The following PRKCH variants were observed in gnomAD, a reference collection of about 807,000 sequenced individuals.
PRKCH encodes protein kinase C eta type.
In PRKCH, 28 loss-of-function variants were observed where a neutral mutation model predicts 82.5. The ratio of observed to expected loss-of-function variants is 0.34; its 90% CI spans 0.25 to 0.47. The LOEUF is 0.47. PRKCH is among the 20% of genes least tolerant of loss of function. PRKCH has a pLI of 1.00. For synonymous variants in PRKCH, 322 were observed against 327.4 expected (o/e 0.98, Z 0.18); for missense variants, 705 against 881.8 (o/e 0.80, Z 2.54).
intron 1 of PRKCH, among the ~76,000 whole-genome samples, chr14:61,194,230 A>G (rs1054926516): frequency 3.3e-5 from 5 of 152,236 alleles, no homozygotes; most frequent in Admixed American, 2.0e-4. Flanking sequence ...AGTACCATTA[A>G]TACTTCTAGG....
chr14:61,478,833 C>T (rs1310989199), intron 9 of PRKCH, among the ~76,000 whole-genome samples: 1 of 152,192 alleles, frequency 6.6e-6, no homozygotes, highest in Admixed American at 6.5e-5. Context: ...TGCCCTCCAG[C>T]CTGGGTGACA....
At chr14:61,336,114 A>G (rs2045854304) in intron 1 of PRKCH, among the ~76,000 whole-genome samples, 2 of 152,206 alleles carry the variant, frequency 1.3e-5, no homozygotes, top group Admixed American at 1.3e-4. Context: ...ATGATTGTTG[A>G]TGTCACTTTC....
intron 10 of PRKCH, among the ~76,000 whole-genome samples, chr14:61,495,534 G>A (rs916233453): frequency 1.3e-5 from 2 of 152,222 alleles, no homozygotes; most frequent in African/African-American, 4.8e-5. Flanking sequence ...TTTGTAAAAA[G>A]TAATTGAATT....
At position 61,372,810 on chromosome 14, in the gene PRKCH, A is replaced by T. The variant is rs1197839614; in HGVS notation, c.364-18415A>T. 3.9e-5 allele frequency among the ~76,000 whole-genome samples: 6 copies of T among 152,084 alleles called. No homozygotes were observed. The East Asian group carries it at 1.2e-3, about 29-fold the overall frequency. ...CTAACTTTTTAAATTGCATATATTCAAGTTCTGTGTGCTATAAAGTTCTAT... is the reference window on the plus strand; with the variant it reads ...CTAACTTTTTAAATTGCATATATTCTAGTTCTGTGTGCTATAAAGTTCTAT... On this transcript the variant is annotated intron_variant, in intron 1 of 13. Transcript: ENST00000332981.
At chr14:61,453,118 G>A (rs1423400132) in intron 6 of PRKCH, 108 bp from the exon 7 acceptor site, 19 of 1,351,518 alleles carry the variant, frequency 1.4e-5, no homozygotes, top group Middle Eastern at 2.1e-4. Flanking sequence ...CTGTTCAGCC[G>A]GTATAATTCC....
chr14:61,405,961 G>T (rs1881926714), intron 2 of PRKCH, among the ~76,000 whole-genome samples: 1 of 152,172 alleles, frequency 6.6e-6, no homozygotes, highest in Admixed American at 6.5e-5. Context: ...GAAATGCCAA[G>T]AGGATCTGTT....
chr14:61,465,563 A>G (rs532490285), intron 9 of PRKCH, among the ~76,000 whole-genome samples: 5 of 152,296 alleles, frequency 3.3e-5, no homozygotes, highest in Admixed American at 2.6e-4. Context: ...TGAGCTCTGT[A>G]TTCTGTCCCA....
chr14:61,232,819 C>T (rs2044754886), intron 1 of PRKCH, among the ~76,000 whole-genome samples: 2 of 152,152 alleles, frequency 1.3e-5, no homozygotes, highest in South Asian at 4.1e-4. Context: ...AAAGTCCCAA[C>T]CCTCTAATCA....
At chr14:61,481,234 G>C (rs562846865) in intron 9 of PRKCH, among the ~76,000 whole-genome samples, 7 of 152,284 alleles carry the variant, frequency 4.6e-5, no homozygotes, top group African/African-American at 1.7e-4. Flanking sequence ...ATTTGTCTTT[G>C]TTCAGAACCT....
intron 5 of PRKCH, 94 bp downstream of exon 5, chr14:61,449,346 C>G: frequency 9.3e-7 from 1 of 1,075,904 alleles, no homozygotes; most frequent in Non-Finnish European, 1.4e-6. Flanking sequence ...TTTCCTCCCC[C>G]TCTTTTCCTT....
intron 1 of PRKCH, among the ~76,000 whole-genome samples, chr14:61,231,661 C>T (rs966867689): frequency 3.3e-5 from 5 of 152,108 alleles, no homozygotes; most frequent in Admixed American, 6.5e-5. Flanking sequence ...TGTGAGCCAC[C>T]GTGGCCGGCT....
chr14:61,376,697 C>T (rs1484668338), intron 1 of PRKCH, among the ~76,000 whole-genome samples: 1 of 148,476 alleles, frequency 6.7e-6, no homozygotes, highest in Non-Finnish European at 1.5e-5. Flanking sequence ...ACCTCCAGCC[C>T]CATCTACACC....
At chr14:61,238,041 G>A (rs2044805474) in intron 1 of PRKCH, among the ~76,000 whole-genome samples, 1 of 152,242 alleles carries the variant, frequency 6.6e-6, no homozygotes, top group African/African-American at 2.4e-5. Context: ...TTGCAAAGTA[G>A]TAACAGTCTG....
rs377276795 is a variant in PRKCH, at chr14:61,280,370, G to A, written c.-19+92702G>A. 2.5e-6 allele frequency: 4 copies of A among 1,613,886 alleles called. No homozygotes were observed. In the African/African-American group the frequency reaches 5.3e-5, roughly 22 times the overall value. ...CGCGCGTACAGTTTGCGGAACGTGG[G>A]CAGCGCCGCCGTGCGCATCCACACC... is the stretch of plus-strand genomic sequence containing the variant. On this transcript the variant is annotated intron_variant, in intron 1 of 3. Coordinates refer to the PRKCH transcript ENST00000555185. The surrounding 1 kb of genome is among the most constrained non-coding windows in gnomAD (Gnocchi z 5.0).
chr14:61,287,480 G>T (rs2045325658), intron 1 of PRKCH, among the ~76,000 whole-genome samples: 1 of 152,162 alleles, frequency 6.6e-6, no homozygotes, highest in Non-Finnish European at 1.5e-5. Flanking sequence ...AGAGGCCAAG[G>T]CAGGCAGATC....
chr14:61,315,686 T>C (rs907865998), intron 1 of PRKCH, among the ~76,000 whole-genome samples: 2 of 152,176 alleles, frequency 1.3e-5, no homozygotes. Context: ...TCCTTTTGTA[T>C]ACATATTTTT....
chr14:61,488,110 C>T (rs1186866644), intron 10 of PRKCH, among the ~76,000 whole-genome samples: 12 of 151,218 alleles, frequency 7.9e-5, no homozygotes, highest in Non-Finnish European at 7.4e-5. Context: ...GCCGAGATCG[C>T]GCCACCGCAC....
intron 1 of PRKCH, among the ~76,000 whole-genome samples, chr14:61,207,701 A>G (rs1222025583): frequency 6.6e-6 from 1 of 152,222 alleles, no homozygotes; most frequent in Admixed American, 6.5e-5. Flanking sequence ...TTATTCATGC[A>G]TCAACATGAT....
chr14:61,324,405 A>C (rs1474653886), intron 1 of PRKCH, among the ~76,000 whole-genome samples: 2 of 152,176 alleles, frequency 1.3e-5, no homozygotes, highest in Non-Finnish European at 2.9e-5. Context: ...AATGACCTTG[A>C]AACCAGCAGT....
Sources: allele counts gnomAD v4.1 joint callset (sites outside exome capture counted in the v4.1 genomes callset), GRCh38; gene constraint gnomAD v4.1.1; non-coding constraint Gnocchi (gnomAD v3.1); transcripts MANE v1.5; gene names NCBI Gene and HGNC (gene_info 2026-07-23, HGNC 2026-07-21).